Variants in HSBP1L1 observed in about 807,000 individuals in gnomAD.
HSBP1L1 encodes the protein heat shock factor binding protein 1 like 1, also known as heat shock factor-binding protein 1-like protein 1.
HSBP1L1 carries 8 observed loss-of-function variants against 9.7 expected under a neutral mutation model. That is an observed-to-expected ratio of 0.82 (90% CI 0.48 to 1.48). HSBP1L1 has a LOEUF of 1.48. Ranked by LOEUF, HSBP1L1 falls within the 40% of genes most tolerant of loss-of-function variation. HSBP1L1 has a pLI of 0.00. For synonymous variants in HSBP1L1, 39 were observed against 34.4 expected (o/e 1.13, Z -0.46); for missense variants, 106 against 95.8 (o/e 1.11, Z -0.44).
intron 3 of HSBP1L1, among the ~76,000 whole-genome samples, chr18:79,969,363 G>GAA (rs1409012045): frequency 1.0e-4 from 5 of 48,076 alleles, no homozygotes; most frequent in Admixed American, 5.1e-4. Flanking sequence ...AAGAAAGAAA[G>GAA]AAAGAAAGAA....
chr18:79,968,285 T>G (rs2051267829), intron 3 of HSBP1L1, 102 bp downstream of exon 3: 3 of 695,934 alleles, frequency 4.3e-6, no homozygotes. Context: ...AATTGCTGCC[T>G]CTGTGCTGCA....
intron 3 of HSBP1L1, among the ~76,000 whole-genome samples, chr18:79,969,339 G>GAAAGAAAGAA (rs2051279196): frequency 5.3e-5 from 1 of 18,778 alleles, no homozygotes; most frequent in African/African-American, 1.3e-4. Context: ...GAAAAAGAAA[G>GAAAGAAAGAA]AAAGAAAGAA....
At chr18:79,969,299 A>AAAG (rs2051276299) in intron 3 of HSBP1L1, among the ~76,000 whole-genome samples, 6 of 69,602 alleles carry the variant, frequency 8.6e-5, no homozygotes, top group African/African-American at 3.0e-4. Flanking sequence ...AGGGAGGGAG[A>AAAG]GAGAGAGAGA....
chr18:79,969,114 G>T (rs1289055628), intron 3 of HSBP1L1, among the ~76,000 whole-genome samples: 1 of 150,232 alleles, frequency 6.7e-6, no homozygotes, highest in African/African-American at 2.5e-5. Context: ...CCGTGAACCC[G>T]GGAGGCAGAG....
chr18:79,965,014 A>C (rs2051249732), intron 1 of HSBP1L1, among the ~76,000 whole-genome samples: 1 of 87,864 alleles, frequency 1.1e-5, no homozygotes. Flanking sequence ...GACCTGGGGG[A>C]CCCTGCGGTC....
intron 2 of HSBP1L1, chr18:79,967,352 C>CT (rs1340092865): frequency 6.6e-6 from 1 of 152,150 alleles, no homozygotes; most frequent in Non-Finnish European, 1.5e-5. Flanking sequence ...CTCTCCCAAA[C>CT]TTTGTTTTGT....
At chr18:79,966,543 A>AG in intron 1 of HSBP1L1, 69 bp from the exon 2 acceptor site, 13 of 1,125,132 alleles carry the variant, frequency 1.2e-5, no homozygotes, top group Non-Finnish European at 1.4e-5. Context: ...ACTTCATCTC[A>AG]GAAAAAAAAA....
In HSBP1L1 at chr18:79,964,692, C is replaced by G. The variant is rs541041943; in HGVS notation, c.-44C>G. ...GTCGCCACCTCGCGCCGGGTCCGCG[C>G]GGCCCACGGGACCCCCCACTGACGC... On this transcript the variant is annotated 5_prime_UTR_variant, in exon 1 of 4. Coordinates refer to ENST00000451882, the MANE Select transcript of HSBP1L1 (RefSeq NM_001136180.2). The G allele has an allele frequency of 8.1e-7, 1 of 1,235,578 alleles. No homozygotes were observed. The highest frequency in any genetic ancestry group is 3.1e-5 in the East Asian group (1 of 31,922). The allele number at this position is 1,235,578 out of a possible 1,614,324, so 76.5% of individuals were successfully genotyped here.
chr18:79,967,147 C>CAAAAAA (rs5826682), intron 2 of HSBP1L1, among the ~76,000 whole-genome samples: 112 of 105,164 alleles, frequency 1.1e-3, no homozygotes, highest in Middle Eastern at 4.9e-3. Flanking sequence ...GACTCCGTCT[C>CAAAAAA]AAAAAAAAAA....
In HSBP1L1 at chr18:79,964,748, G is replaced by T. The variant is rs988288182; in HGVS notation, c.13G>T (p.Gly5Cys). ...GCCAGCGGTCCACATGGACGTGCGGGGCCCTGAAGCCCCCGGCGGGCGCGC... is the reference window on the plus strand; with the variant it reads ...GCCAGCGGTCCACATGGACGTGCGGTGCCCTGAAGCCCCCGGCGGGCGCGC... MDVRGPEAPGGRALR... is the reference protein window; with the variant it reads MDVRCPEAPGGRALR... The change falls in exon 1 of 4, where the codon GGC becomes TGC. Residue 5 changes from glycine to cysteine, a missense_variant. Gly to Cys is a radical substitution (Grantham distance 159). Transcript: ENST00000451882. 19 of 1,418,354 alleles carry T rather than the reference G, an allele frequency of 1.3e-5. No homozygotes were observed. The highest frequency in any genetic ancestry group is 1.2e-4 in the Admixed American group (4 of 34,426). The allele number at this position is 1,418,354 out of a possible 1,614,324, so 87.9% of individuals were successfully genotyped here.
chr18:79,964,806 C>A lies in HSBP1L1; in HGVS notation c.51+20C>A. On this transcript the variant is annotated intron_variant, in intron 1 of 3. Transcript: ENST00000451882. ...GACGCGGTGAGCCCCTCCCCGACTC[C>A]TGCTTCTCTCTGGATGGGGGCGCCC... 1 of 1,332,668 alleles carries A rather than the reference C, an allele frequency of 7.5e-7. No individual in the cohort carries two copies. The highest frequency in any genetic ancestry group is 9.6e-7 in the Non-Finnish European group (1 of 1,040,328). 82.6% of individuals were successfully genotyped at this position (1,332,668 alleles called of 1,614,324 possible).
Position 79,964,659 on chromosome 18 carries a change from G to A in HSBP1L1, c.-77G>A. The A allele has an allele frequency of 3.6e-6, 3 of 837,414 alleles. No homozygotes were observed. The highest frequency in any genetic ancestry group is 3.6e-5 in the Admixed American group (1 of 28,076). 51.9% of individuals were successfully genotyped at this position (837,414 alleles called of 1,614,324 possible). ...CGGCGGCCCATACGGGAATCGCGGA[G>A]CTTAGCTGTCGCCACCTCGCGCCGG... On this transcript the variant is annotated 5_prime_UTR_variant, in exon 1 of 4. Transcript: ENST00000451882.
At position 79,967,988 on chromosome 18, in the gene HSBP1L1, A is replaced by G. The variant is rs544682741; in HGVS notation, c.119-101A>G. 553 of 646,776 alleles carry G rather than the reference A, an allele frequency of 8.6e-4. 1 individual carries two copies. The highest frequency in any genetic ancestry group is 1.3e-3 in the Non-Finnish European group (468 of 373,882). 40.1% of individuals were successfully genotyped at this position (646,776 alleles called of 1,614,324 possible). On this transcript the variant is annotated intron_variant, in intron 2 of 3. Coordinates refer to ENST00000451882, the MANE Select transcript of HSBP1L1 (RefSeq NM_001136180.2). ...GCCTGTCGTTGATTCCCTCATTTCA[A>G]AAGTTGCATGTGCCATGGGAGGCGG...
intron 3 of HSBP1L1, 103 bp downstream of exon 3, chr18:79,968,286 C>T: frequency 1.4e-6 from 1 of 695,010 alleles, no homozygotes; most frequent in South Asian, 1.8e-5. Context: ...ATTGCTGCCT[C>T]TGTGCTGCAT....
In HSBP1L1 at chr18:79,964,774, G is replaced by T. The variant is rs1277835775; in HGVS notation, c.39G>T (p.Ala13=). The T allele has an allele frequency of 7.1e-7, 1 of 1,399,322 alleles. No individual in the cohort carries two copies. The allele number at this position is 1,399,322 out of a possible 1,614,324, so 86.7% of individuals were successfully genotyped here. Residue 13 remains alanine, a synonymous_variant, in exon 1 of 4, where the codon GCG becomes GCT. Coordinates refer to ENST00000451882, the MANE Select transcript of HSBP1L1 (RefSeq NM_001136180.2). ...VRGPEAPGGR[A]LRDAAENLFQ... is the part of the protein sequence containing the mutation. ...GCCCTGAAGCCCCCGGCGGGCGCGC[G>T]CTGCGGGACGCGGTGAGCCCCTCCC...
At position 79,969,380 on chromosome 18, in the gene HSBP1L1, A is replaced by G. The variant is rs1362820463; in HGVS notation, c.214-1060A>G. On this transcript the variant is annotated intron_variant, in intron 3 of 3. Coordinates refer to ENST00000451882, the MANE Select transcript of HSBP1L1 (RefSeq NM_001136180.2). The stretch of plus-strand genomic sequence containing the variant: ...GAAAGAAAGAAAGAAAGAAAGAAAG[A>G]AAGAAAGAAAGAAAAAAAAACGATG... 1.1e-4 allele frequency among the ~76,000 whole-genome samples: 6 copies of G among 55,456 alleles called. 1 individual carries two copies. The highest frequency in any genetic ancestry group is 2.6e-4 in the Non-Finnish European group (6 of 23,110). The allele number at this position is 55,456 out of a possible 152,430, so 36.4% of individuals were successfully genotyped here. A position where few individuals can be genotyped will look rare whatever the true frequency, so the allele number is the denominator to read the frequency against.
intron 3 of HSBP1L1, among the ~76,000 whole-genome samples, chr18:79,969,331 AAAAGAAAGAAAGAAAGAAAGAAAGAAAG>A (rs1195209410): frequency 1.7e-4 from 12 of 72,022 alleles, no homozygotes; most frequent in African/African-American, 3.5e-4. Flanking sequence ...GAAAGAAAGA[AAAAGAAAGAAAGAAAGAAAGAAAGAAAG>A]AAAGAAAGAA....
Position 79,964,705 on chromosome 18 carries a change from C to A in HSBP1L1, c.-31C>A, listed in dbSNP as rs1260719502. 3.7e-6 allele frequency: 5 copies of A among 1,347,610 alleles called. No homozygotes were observed. The highest frequency in any genetic ancestry group is 3.1e-5 in the East Asian group (1 of 32,476). The allele number at this position is 1,347,610 out of a possible 1,614,324, so 83.5% of individuals were successfully genotyped here. A position where few individuals can be genotyped will look rare whatever the true frequency, so the allele number is the denominator to read the frequency against. ...GCCGGGTCCGCGCGGCCCACGGGACCCCCCACTGACGCCCCCGGCCAGCGG... is the reference window on the plus strand; with the variant it reads ...GCCGGGTCCGCGCGGCCCACGGGACACCCCACTGACGCCCCCGGCCAGCGG... On this transcript the variant is annotated 5_prime_UTR_variant, in exon 1 of 4. Transcript: ENST00000451882.
chr18:79,968,218 G>GT (rs756774171), intron 3 of HSBP1L1, 35 bp downstream of exon 3: 7 of 1,305,108 alleles, frequency 5.4e-6, no homozygotes, highest in Non-Finnish European at 7.5e-6. Flanking sequence ...AACCGTTTTC[G>GT]TATGTTTTGA....
Sources: gnomAD v4.1 joint callset for allele counts (sites outside exome capture counted in the v4.1 genomes callset) on GRCh38, gnomAD v4.1.1 for gene constraint, MANE v1.5 for transcripts, NCBI Gene and HGNC (gene_info 2026-07-23, HGNC 2026-07-21) for gene names.